Variants in MACROD2 observed in about 807,000 individuals in gnomAD.
MACROD2 encodes the protein mono-ADP ribosylhydrolase 2.
MACROD2 carries 36 observed loss-of-function variants against 70.4 expected under a neutral mutation model. The observed-to-expected ratio is 0.51, with a 90% CI of 0.39 to 0.68. The LOEUF (loss-of-function observed/expected upper bound fraction) is 0.68, where lower values mean the gene tolerates loss of function less well. MACROD2 is among the 30% of genes least tolerant of loss of function. The pLI is 0.00. For synonymous variants in MACROD2, 172 were observed against 178.8 expected, an observed-to-expected ratio of 0.96 and a Z score of 0.30; for missense variants, 496 against 538.4, an observed-to-expected ratio of 0.92 and a Z score of 0.78.
chr20:14,702,465 T>C (rs1449617103), intron 5 of MACROD2, among the ~76,000 whole-genome samples: 1 of 151,002 alleles, frequency 6.6e-6, no homozygotes, highest in Non-Finnish European at 1.5e-5. Flanking sequence ...CATGGTATTG[T>C]GTTTTTAACT....
chr20:15,598,029 A>G (rs1215560897), intron 8 of MACROD2, among the ~76,000 whole-genome samples: 1 of 18,888 alleles, frequency 5.3e-5, no homozygotes, highest in Non-Finnish European at 8.1e-5. Flanking sequence ...CAGTGAGCCA[A>G]GATTGTGCCC....
chr20:14,847,653 AT>A (rs2073158263), intron 5 of MACROD2, among the ~76,000 whole-genome samples: 1 of 151,926 alleles, frequency 6.6e-6, no homozygotes, highest in Non-Finnish European at 1.5e-5. Context: ...TTAAAAAAAA[AT>A]TGTTCATTAG....
At chr20:14,368,069 T>C (rs1358375897) in intron 3 of MACROD2, among the ~76,000 whole-genome samples, 3 of 152,220 alleles carry the variant, frequency 2.0e-5, no homozygotes, top group African/African-American at 4.8e-5. Flanking sequence ...TTTACTGATA[T>C]TCTCTACTTG....
At chr20:15,328,270 T>C (rs1014267315) in intron 6 of MACROD2, among the ~76,000 whole-genome samples, 4 of 151,998 alleles carry the variant, frequency 2.6e-5, no homozygotes, top group Admixed American at 1.3e-4. Context: ...AGGAGGCCAG[T>C]CTGGCTGGAC....
At chr20:14,929,993 C>G (rs958961975) in intron 5 of MACROD2, among the ~76,000 whole-genome samples, 1 of 151,854 alleles carries the variant, frequency 6.6e-6, no homozygotes, top group African/African-American at 2.4e-5. Flanking sequence ...AACCCCGTCT[C>G]TACTAAAAAT....
chr20:14,790,262 C>T (rs1384038675), intron 5 of MACROD2, among the ~76,000 whole-genome samples: 1 of 142,810 alleles, frequency 7.0e-6, no homozygotes, highest in African/African-American at 2.7e-5. Flanking sequence ...TAATTTGGTT[C>T]ATTTAAAAAA....
At chr20:15,211,738 G>A (rs2076765765) in intron 5 of MACROD2, among the ~76,000 whole-genome samples, 1 of 152,014 alleles carries the variant, frequency 6.6e-6, no homozygotes, top group Non-Finnish European at 1.5e-5. Context: ...TGCAGAACTG[G>A]GAACCAAAAT....
At chr20:15,104,189 C>T (rs542836823) in intron 5 of MACROD2, among the ~76,000 whole-genome samples, 11 of 152,176 alleles carry the variant, frequency 7.2e-5, no homozygotes, top group African/African-American at 1.7e-4. Context: ...GCTCTTGGGA[C>T]GGAACTGAAA....
chr20:15,280,900 G>A (rs2077437982), intron 6 of MACROD2: 1 of 152,192 alleles, frequency 6.6e-6, no homozygotes, highest in Non-Finnish European at 1.5e-5. Flanking sequence ...CTGCTATAAA[G>A]CAATACCTAA....
intron 5 of MACROD2, among the ~76,000 whole-genome samples, chr20:15,000,391 A>G (rs974094450): frequency 1.5e-5 from 2 of 130,622 alleles, no homozygotes; most frequent in Non-Finnish European, 3.1e-5. Flanking sequence ...TGGGAGGCCG[A>G]GGCGGGTGGA....
chr20:15,536,928 T>C (rs2047883151), intron 8 of MACROD2, among the ~76,000 whole-genome samples: 1 of 152,180 alleles, frequency 6.6e-6, no homozygotes, highest in Non-Finnish European at 1.5e-5. Context: ...TCACTACTGC[T>C]TGTTCCTGCA....
intron 8 of MACROD2, among the ~76,000 whole-genome samples, chr20:15,636,544 A>G (rs900690170): frequency 3.9e-5 from 6 of 152,156 alleles, no homozygotes; most frequent in African/African-American, 7.2e-5. Context: ...CCTTGTTTGT[A>G]TGTATATCAC....
intron 6 of MACROD2, among the ~76,000 whole-genome samples, chr20:15,387,687 A>G (rs2045735894): frequency 6.6e-6 from 1 of 151,896 alleles, no homozygotes; most frequent in African/African-American, 2.4e-5. Context: ...GGCAGGGGCA[A>G]CTGACAAGTT....
At chr20:15,359,263 C>A (rs529655044) in intron 6 of MACROD2, among the ~76,000 whole-genome samples, 1 of 152,166 alleles carries the variant, frequency 6.6e-6, no homozygotes, top group African/African-American at 2.4e-5. Flanking sequence ...ACTGTACATG[C>A]ATTGATGACT....
chr20:14,702,491 C>A (rs1035173809), intron 5 of MACROD2, among the ~76,000 whole-genome samples: 1 of 150,106 alleles, frequency 6.7e-6, no homozygotes, highest in African/African-American at 2.5e-5. Flanking sequence ...CAAATGGCCT[C>A]ATGGTGTATG....
intron 5 of MACROD2, among the ~76,000 whole-genome samples, chr20:14,956,060 T>G (rs1286008227): frequency 6.6e-6 from 1 of 151,942 alleles, no homozygotes; most frequent in African/African-American, 2.4e-5. Flanking sequence ...TATGTGATGT[T>G]TTTATTGATT....
In MACROD2 at chr20:14,169,896, C is replaced by T. The variant is rs191751912; in HGVS notation, c.271+84168C>T. 4.1e-3 allele frequency among the ~76,000 whole-genome samples: 618 copies of T among 151,882 alleles called. 6 individuals are homozygous for T. Among genetic ancestry groups the T allele is most frequent in the African/African-American group, 0.014 (590 of 41,434 alleles). On this transcript the variant is annotated intron_variant, in intron 3 of 17. Transcript: ENST00000684519. Reference sequence around the variant, plus strand: ...AGAGGTTCTTAAGAACCTCTGTTAACTTTTTTTATCCCCCCAAGACAGAGT... The same window carrying T: ...AGAGGTTCTTAAGAACCTCTGTTAATTTTTTTTATCCCCCCAAGACAGAGT...
chr20:15,402,752 A>C (rs746397414), intron 6 of MACROD2, among the ~76,000 whole-genome samples: 4 of 152,196 alleles, frequency 2.6e-5, no homozygotes, highest in African/African-American at 9.6e-5. Flanking sequence ...GTTGCTGTAC[A>C]TCCTTTTTTG....
intron 5 of MACROD2, among the ~76,000 whole-genome samples, chr20:15,122,891 T>C (rs1166803411): frequency 6.6e-6 from 1 of 152,294 alleles, no homozygotes; most frequent in Non-Finnish European, 1.5e-5. Context: ...CTCTGCAGCA[T>C]GAACTAATAT....
Sources: gnomAD v4.1 joint callset for allele counts (sites outside exome capture counted in the v4.1 genomes callset) on GRCh38, gnomAD v4.1.1 for gene constraint, MANE v1.5 for transcripts, NCBI Gene and HGNC (gene_info 2026-07-23, HGNC 2026-07-21) for gene names.